The following TEAD1 variants were observed in gnomAD, a reference collection of about 807,000 sequenced individuals.
TEAD1 encodes TEA domain transcription factor 1.
In TEAD1, 9 loss-of-function variants were observed where a neutral mutation model predicts 54.9. The observed-to-expected ratio is 0.16, with a 90% CI of 0.10 to 0.29. The LOEUF is 0.29. Among genes scored for constraint, TEAD1 ranks in the 10% least tolerant of loss-of-function variants. The pLI, the probability that TEAD1 is intolerant of heterozygous loss-of-function variation, is 1.00. For synonymous variants in TEAD1, 200 were observed against 187.8 expected, an observed-to-expected ratio of 1.07 and a Z score of -0.53; for missense variants, 387 against 535.9, an observed-to-expected ratio of 0.72 and a Z score of 2.74.
At chr11:12,825,191 C>T (rs1946626739) in intron 3 of TEAD1, among the ~76,000 whole-genome samples, 1 of 152,036 alleles carries the variant, frequency 6.6e-6, no homozygotes, top group African/African-American at 2.4e-5. Flanking sequence ...GATCTGAAGC[C>T]AGGCAGAGAT....
chr11:12,879,745 C>T lies in TEAD1; in HGVS notation c.368C>T (p.Ala123Val), dbSNP rs866303048. The change falls in exon 6 of 13, where the codon GCG becomes GTG. Residue 123 changes from alanine to valine, a missense_variant. Ala to Val is a moderately conservative substitution (Grantham distance 64, BLOSUM62 0). This residue lies in a region of TEAD1 where 22 missense variants were observed against 43.2 expected (regional missense o/e 0.51). Coordinates refer to ENST00000527636, the MANE Select transcript of TEAD1 (RefSeq NM_021961.6). ...AAGGATAAGGCCCTGCAGCACATGG[C>T]GGCCATGTCCTCAGCCCAGATCGTC... The T allele has an allele frequency of 5.0e-6, 8 of 1,614,088 alleles. No homozygotes were observed. Among genetic ancestry groups the T allele is most frequent in the Admixed American group, 3.3e-5 (2 of 60,008 alleles).
In TEAD1 at chr11:12,937,336, G is replaced by A. The variant is rs1949119568; in HGVS notation, c.*114G>A. The A allele has an allele frequency of 7.6e-6, 7 of 918,400 alleles. No individual in the cohort carries two copies. In the South Asian group the frequency reaches 9.1e-5, roughly 12 times the overall value. The allele number at this position is 918,400 out of a possible 1,614,324, so 56.9% of individuals were successfully genotyped here. Reference sequence around the variant, plus strand: ...TGTAAACCTCACCACACAGGGTGGTGCCCTGGCCCCGAGGTCACCCCGACT... The same window carrying A: ...TGTAAACCTCACCACACAGGGTGGTACCCTGGCCCCGAGGTCACCCCGACT... On this transcript the variant is annotated 3_prime_UTR_variant, in exon 13 of 13. Coordinates refer to ENST00000527636, the MANE Select transcript of TEAD1 (RefSeq NM_021961.6).
At chr11:12,868,107 A>G (rs908194901) in intron 5 of TEAD1, among the ~76,000 whole-genome samples, 12 of 152,310 alleles carry the variant, frequency 7.9e-5, no homozygotes, top group Admixed American at 5.9e-4. Context: ...CTTACCCGCA[A>G]TGGAGGCCAC....
At position 12,941,592 on chromosome 11, in the gene TEAD1, C is replaced by T. The variant is rs1949162843; in HGVS notation, c.*4370C>T. Reference sequence around the variant, plus strand: ...TATATGCTCTGGTACACTACCTGAACTAACGAAGGGTAGAACTAATTCTGT... The same window carrying T: ...TATATGCTCTGGTACACTACCTGAATTAACGAAGGGTAGAACTAATTCTGT... On this transcript the variant is annotated 3_prime_UTR_variant, in exon 13 of 13. Transcript: ENST00000527636. 6.6e-6 allele frequency: 1 copy of T among 152,618 alleles called. No homozygotes were observed. Among genetic ancestry groups the T allele is most frequent in the African/African-American group, 2.4e-5 (1 of 41,446 alleles). 9.5% of individuals were successfully genotyped at this position (152,618 alleles called of 1,614,324 possible).
At chr11:12,902,718 G>A (rs2099745) in intron 10 of TEAD1, among the ~76,000 whole-genome samples, 14,174 of 152,072 alleles carry the variant, frequency 0.093, 1,148 homozygotes, top group East Asian at 0.44. Flanking sequence ...ACTGTTTTAA[G>A]TGTTTGTGCC....
At chr11:12,766,462 A>G (rs1488677752) in intron 3 of TEAD1, among the ~76,000 whole-genome samples, 2 of 152,216 alleles carry the variant, frequency 1.3e-5, no homozygotes, top group Non-Finnish European at 2.9e-5. Context: ...GAACTTGAAG[A>G]TTTTACCCTT....
chr11:12,716,782 T>C (rs912127907), intron 2 of TEAD1, among the ~76,000 whole-genome samples: 10 of 152,254 alleles, frequency 6.6e-5, no homozygotes, highest in Admixed American at 6.5e-5. Flanking sequence ...CCATTCTTCC[T>C]TCATGGGCCA....
intron 10 of TEAD1, among the ~76,000 whole-genome samples, chr11:12,903,013 G>A (rs1370464875): frequency 1.3e-5 from 2 of 152,134 alleles, no homozygotes; most frequent in African/African-American, 4.8e-5. Context: ...ATGATTGTTT[G>A]GAGGTGTCCC....
intron 5 of TEAD1, among the ~76,000 whole-genome samples, chr11:12,867,947 A>G (rs1010919283): frequency 1.3e-5 from 2 of 152,158 alleles, no homozygotes; most frequent in Non-Finnish European, 2.9e-5. Context: ...CATCCCAGTA[A>G]CTATCCTTGC....
chr11:12,862,645 C>A, intron 4 of TEAD1, among the ~76,000 whole-genome samples: 1 of 152,274 alleles, frequency 6.6e-6, no homozygotes, highest in African/African-American at 2.4e-5. Flanking sequence ...ACTGCAAGTG[C>A]AAATGCACTT....
Position 12,716,753 on chromosome 11 carries a change from C to T in TEAD1, c.-55+41192C>T, listed in dbSNP as rs1364384212. On this transcript the variant is annotated intron_variant, in intron 2 of 12. Transcript: ENST00000527636. The stretch of plus-strand genomic sequence containing the variant: ...AGTTTATTATTCCTTTGTTTTTCAA[C>T]CATTAAGGAATGTAAAAACCATTCT... 2.0e-5 allele frequency among the ~76,000 whole-genome samples: 3 copies of T among 152,164 alleles called. No homozygotes were observed. The South Asian group carries it at 6.2e-4, about 32-fold the overall frequency.
chr11:12,909,191 A>G (rs1301183668), intron 10 of TEAD1, among the ~76,000 whole-genome samples: 1 of 152,210 alleles, frequency 6.6e-6, no homozygotes, highest in Non-Finnish European at 1.5e-5. Flanking sequence ...AATGATTACT[A>G]TTAAGGTTGA....
chr11:12,816,702 A>C (rs1470653073), intron 3 of TEAD1, among the ~76,000 whole-genome samples: 1 of 152,070 alleles, frequency 6.6e-6, no homozygotes, highest in African/African-American at 2.4e-5. Context: ...GATAATTTAC[A>C]CCCTGTGGCT....
intron 3 of TEAD1, among the ~76,000 whole-genome samples, chr11:12,847,949 T>C (rs905547905): frequency 3.3e-5 from 5 of 152,178 alleles, no homozygotes; most frequent in African/African-American, 1.2e-4. Flanking sequence ...GCCACTGCTT[T>C]CTCTGTCGTG....
intron 12 of TEAD1, among the ~76,000 whole-genome samples, chr11:12,936,721 A>C (rs1949107025): frequency 6.6e-6 from 1 of 152,188 alleles, no homozygotes; most frequent in Non-Finnish European, 1.5e-5. Flanking sequence ...TTACTTGTCA[A>C]TTTAAAAATT....
intron 2 of TEAD1, among the ~76,000 whole-genome samples, chr11:12,739,197 T>TC (rs1944597249): frequency 7.0e-6 from 1 of 143,150 alleles, no homozygotes; most frequent in Non-Finnish European, 1.5e-5. Flanking sequence ...GGTCTCATTC[T>TC]TTCTATCTAT....
At chr11:12,833,034 T>C (rs1055306668) in intron 3 of TEAD1, among the ~76,000 whole-genome samples, 2 of 152,244 alleles carry the variant, frequency 1.3e-5, no homozygotes, top group African/African-American at 4.8e-5. Context: ...TCAAGACATA[T>C]TGCAACCAAA....
At chr11:12,861,418 G>C (rs1487139371) in intron 3 of TEAD1, among the ~76,000 whole-genome samples, 2 of 152,126 alleles carry the variant, frequency 1.3e-5, no homozygotes, top group Admixed American at 1.3e-4. Context: ...CCTTTAGGGG[G>C]TGTCTGCCTT....
At chr11:12,798,435 A>G (rs540794445) in intron 3 of TEAD1, among the ~76,000 whole-genome samples, 1 of 152,340 alleles carries the variant, frequency 6.6e-6, no homozygotes, top group African/African-American at 2.4e-5. Context: ...GTTAGATCAG[A>G]AGGCCCCTAA....
Sources: allele counts gnomAD v4.1 joint callset (sites outside exome capture counted in the v4.1 genomes callset), GRCh38; gene constraint gnomAD v4.1.1; regional missense constraint gnomAD v4.1.1; transcripts MANE v1.5; gene names NCBI Gene and HGNC (gene_info 2026-07-23, HGNC 2026-07-21).